Variants in PHF21B observed in about 807,000 individuals in gnomAD.
PHF21B encodes the protein PHD finger protein 4.
A neutral mutation model predicts 62.2 loss-of-function variants in PHF21B; 22 were observed. The observed-to-expected ratio is 0.35, with a 90% CI of 0.25 to 0.51. PHF21B has a LOEUF of 0.51. Ranked by LOEUF, PHF21B falls within the 20% of genes least tolerant of loss-of-function variation. The pLI is 0.97. For synonymous variants in PHF21B, 341 were observed against 314.7 expected (o/e 1.08, Z -0.88); for missense variants, 701 against 707.9 (o/e 0.99, Z 0.11).
At chr22:44,885,630 A>G (rs1285165131) in intron 11 of PHF21B, 101 bp from the exon 12 acceptor site, 1 of 1,227,018 alleles carries the variant, frequency 8.1e-7, no homozygotes, top group East Asian at 2.6e-5. Flanking sequence ...AAGGCCTAGG[A>G]CATCCCCCTG....
intron 2 of PHF21B, among the ~76,000 whole-genome samples, chr22:44,990,572 A>G (rs2073027692): frequency 6.6e-6 from 1 of 152,234 alleles, no homozygotes; most frequent in Non-Finnish European, 1.5e-5. Flanking sequence ...GCCAGTGGCA[A>G]AAAGATAAAT....
intron 2 of PHF21B, among the ~76,000 whole-genome samples, chr22:44,929,492 C>A (rs887104497): frequency 6.6e-6 from 1 of 152,222 alleles, no homozygotes; most frequent in East Asian, 1.9e-4. Flanking sequence ...TGTGCCTCCT[C>A]CAGCCCACGT....
chr22:45,009,032 G>A lies in PHF21B; in HGVS notation c.55-422C>T, dbSNP rs2073378244. The A allele has an allele frequency of 1.8e-6, 2 of 1,129,632 alleles. No homozygotes were observed. Among genetic ancestry groups the A allele is most frequent in the Non-Finnish European group, 2.2e-6 (2 of 922,174 alleles). The allele number at this position is 1,129,632 out of a possible 1,614,324, so 70.0% of individuals were successfully genotyped here. A position where few individuals can be genotyped will look rare whatever the true frequency, so the allele number is the denominator to read the frequency against. On this transcript the variant is annotated intron_variant, in intron 1 of 12. Coordinates refer to ENST00000313237, the MANE Select transcript of PHF21B (RefSeq NM_138415.5). The surrounding 1 kb of genome is among the most constrained non-coding windows in gnomAD (Gnocchi z 5.9). Reference sequence around the variant, plus strand: ...CCTAATCTCCCCAACACACACACGCGCACGCCGAGCCCCGCTCAGGCTCCG... The same window carrying A: ...CCTAATCTCCCCAACACACACACGCACACGCCGAGCCCCGCTCAGGCTCCG...
chr22:44,925,985 A>G (rs1400136731), intron 2 of PHF21B, among the ~76,000 whole-genome samples: 1 of 68,616 alleles, frequency 1.5e-5, no homozygotes, highest in Non-Finnish European at 4.1e-5. Flanking sequence ...GATTCCAGGT[A>G]ACTCCACCCA....
intron 2 of PHF21B, among the ~76,000 whole-genome samples, chr22:44,979,729 T>C (rs1264616003): frequency 6.6e-6 from 1 of 152,232 alleles, no homozygotes; most frequent in Admixed American, 6.5e-5. Flanking sequence ...GTTTGGGCTT[T>C]CAAAATGTCT....
intron 2 of PHF21B, among the ~76,000 whole-genome samples, chr22:44,924,614 C>T (rs764813036): frequency 2.0e-5 from 3 of 152,178 alleles, no homozygotes; most frequent in Non-Finnish European, 4.4e-5. Flanking sequence ...AGAAGGTGGC[C>T]ATCAGCAAAC....
chr22:44,970,123 A>G (rs1484835718), intron 2 of PHF21B, among the ~76,000 whole-genome samples: 1 of 152,212 alleles, frequency 6.6e-6, no homozygotes, highest in East Asian at 1.9e-4. Context: ...AAGGCCACAG[A>G]GCTGGCTTAT....
chr22:44,936,672 T>C (rs974061460), intron 2 of PHF21B, among the ~76,000 whole-genome samples: 9 of 152,200 alleles, frequency 5.9e-5, no homozygotes, highest in Non-Finnish European at 1.0e-4. Context: ...CTTGGACATA[T>C]TGGATTACAT....
chr22:44,937,885 G>A (rs1264255026), intron 2 of PHF21B, among the ~76,000 whole-genome samples: 6 of 152,254 alleles, frequency 3.9e-5, no homozygotes. Context: ...ACTAATCCCT[G>A]GTGATGAAAT....
At chr22:44,930,970 G>A (rs1023866270) in intron 2 of PHF21B, among the ~76,000 whole-genome samples, 1 of 152,214 alleles carries the variant, frequency 6.6e-6, no homozygotes, top group African/African-American at 2.4e-5. Flanking sequence ...CCGGAGAGGT[G>A]AGCTACGCCC....
At chr22:44,910,477 A>G (rs1232482020) in intron 5 of PHF21B, among the ~76,000 whole-genome samples, 7 of 152,162 alleles carry the variant, frequency 4.6e-5, no homozygotes, top group Non-Finnish European at 1.5e-5. Context: ...ATATTATGGG[A>G]GGGACCTGGT....
At chr22:44,892,159 CCT>C (rs68103100) in intron 7 of PHF21B, among the ~76,000 whole-genome samples, 6,193 of 152,290 alleles carry the variant, frequency 0.041, 347 homozygotes, top group African/African-American at 0.13. Context: ...TGAAGCCCTC[CCT>C]GTCTGGAGAA....
chr22:44,927,830 G>A (rs1451932445), intron 2 of PHF21B, among the ~76,000 whole-genome samples: 3 of 152,100 alleles, frequency 2.0e-5, no homozygotes, highest in Non-Finnish European at 2.9e-5. Flanking sequence ...GTTTACAGCC[G>A]CACTTACTTC....
At chr22:44,931,546 T>G (rs1473050040) in intron 2 of PHF21B, among the ~76,000 whole-genome samples, 1 of 151,518 alleles carries the variant, frequency 6.6e-6, no homozygotes, top group Non-Finnish European at 1.5e-5. Context: ...GCAGAGCAGT[T>G]TGTTTAAGTT....
intron 2 of PHF21B, among the ~76,000 whole-genome samples, chr22:44,941,273 C>T (rs2071950906): frequency 6.6e-6 from 1 of 152,202 alleles, no homozygotes; most frequent in Non-Finnish European, 1.5e-5. Flanking sequence ...CCACGCAGTG[C>T]TACCTCCTGC....
Position 44,883,104 on chromosome 22 carries a change from G to T in PHF21B, c.1578C>A (p.His526Gln). ...SVAATHPTVQ[H>Q]PQGHN ...CTCGGGGTCAGTTGTGGCCCTGGGG[G>T]TGCTGGACGGTGGGGTGTGTGGCTG... Residue 526 changes from histidine (H) to glutamine (Q), a missense_variant, in exon 13 of 13, where the codon CAC (histidine) becomes CAA (glutamine). Coordinates refer to ENST00000313237, the MANE Select transcript of PHF21B (RefSeq NM_138415.5). 3 of 1,611,580 alleles carry T rather than the reference G, an allele frequency of 1.9e-6. No individual in the cohort carries two copies. The highest frequency in any genetic ancestry group is 4.5e-5 in the East Asian group (2 of 44,884).
chr22:44,945,956 T>C (rs1341922687), intron 2 of PHF21B, among the ~76,000 whole-genome samples: 3 of 152,206 alleles, frequency 2.0e-5, no homozygotes, highest in Non-Finnish European at 4.4e-5. Flanking sequence ...TGGGTCGCTC[T>C]GTCCCCTGCC....
At chr22:44,988,927 G>A (rs1265806026) in intron 2 of PHF21B, among the ~76,000 whole-genome samples, 1 of 152,182 alleles carries the variant, frequency 6.6e-6, no homozygotes, top group East Asian at 1.9e-4. Context: ...GATGGTGCCT[G>A]GCTGCTGTGT....
At chr22:44,939,742 A>G (rs1388618272) in intron 2 of PHF21B, among the ~76,000 whole-genome samples, 7 of 152,114 alleles carry the variant, frequency 4.6e-5, no homozygotes, top group African/African-American at 1.7e-4. Flanking sequence ...GAAGGCAGCA[A>G]AGGCCACCTG....
Sources: allele counts gnomAD v4.1 joint callset (sites outside exome capture counted in the v4.1 genomes callset), GRCh38; gene constraint gnomAD v4.1.1; non-coding constraint Gnocchi (gnomAD v3.1); transcripts MANE v1.5; gene names NCBI Gene and HGNC (gene_info 2026-07-23, HGNC 2026-07-21).